DLGAP1: variants seen among roughly 807,000 people sequenced by gnomAD.
The protein encoded by DLGAP1 is disks large-associated protein 1.
A neutral mutation model predicts 90.8 loss-of-function variants in DLGAP1; 11 were observed. The ratio of observed to expected loss-of-function variants is 0.12; its 90% CI spans 0.08 to 0.20. The LOEUF is 0.20. Ranked by LOEUF, DLGAP1 falls within the 10% of genes least tolerant of loss-of-function variation. DLGAP1 has a pLI of 1.00. For synonymous variants in DLGAP1, 558 were observed against 540.7 expected, an observed-to-expected ratio of 1.03 and a Z score of -0.44; for missense variants, 1,050 against 1,333.8, an observed-to-expected ratio of 0.79 and a Z score of 3.31.
At chr18:4,253,119 T>C (rs1028746305) in intron 1 of DLGAP1, among the ~76,000 whole-genome samples, 2 of 152,112 alleles carry the variant, frequency 1.3e-5, no homozygotes, top group Non-Finnish European at 2.9e-5. Context: ...TCTGGGGAAG[T>C]AGCAAAGAAT....
intron 5 of DLGAP1, among the ~76,000 whole-genome samples, chr18:3,788,895 T>C (rs1467618610): frequency 6.6e-6 from 1 of 152,226 alleles, no homozygotes; most frequent in Non-Finnish European, 1.5e-5. Context: ...TGAAAACACA[T>C]GCTGAAAACA....
chr18:3,725,556 A>G (rs2147401270), intron 7 of DLGAP1, among the ~76,000 whole-genome samples: 1 of 152,288 alleles, frequency 6.6e-6, no homozygotes, highest in South Asian at 2.1e-4. Context: ...CTACCCTGAT[A>G]TTCCTACTGT....
At chr18:3,814,914 A>G (rs1170676627) in intron 4 of DLGAP1, among the ~76,000 whole-genome samples, 1 of 152,204 alleles carries the variant, frequency 6.6e-6, no homozygotes, top group Admixed American at 6.5e-5. Flanking sequence ...TAACCTTTCA[A>G]TAACAATATT....
At chr18:3,972,181 TA>T (rs1272949977) in intron 3 of DLGAP1, among the ~76,000 whole-genome samples, 1 of 151,912 alleles carries the variant, frequency 6.6e-6, no homozygotes, top group Non-Finnish European at 1.5e-5. Flanking sequence ...ATACCTCTTA[TA>T]AAAAATACAA....
chr18:3,597,267 G>A (rs1465501280), intron 7 of DLGAP1: 2 of 494,624 alleles, frequency 4.0e-6, no homozygotes, highest in South Asian at 3.0e-5. Context: ...TTGGAGACAG[G>A]AATAAAAGGA....
intron 1 of DLGAP1, among the ~76,000 whole-genome samples, chr18:4,233,274 T>A (rs529321494): frequency 1.1e-4 from 16 of 152,290 alleles, no homozygotes; most frequent in African/African-American, 3.6e-4. Context: ...TTGAAGTTTG[T>A]TATTGTGTCT....
At chr18:4,040,722 G>A (rs1207044552) in intron 2 of DLGAP1, among the ~76,000 whole-genome samples, 1 of 152,306 alleles carries the variant, frequency 6.6e-6, no homozygotes, top group South Asian at 2.1e-4. Flanking sequence ...GGAAGACAAT[G>A]TCTTGGAAGC....
chr18:4,246,530 G>A (rs982737715), intron 1 of DLGAP1, among the ~76,000 whole-genome samples: 1 of 152,280 alleles, frequency 6.6e-6, no homozygotes, highest in South Asian at 2.1e-4. Context: ...TTGCAGTGAG[G>A]AGTCAGTTAT....
chr18:3,836,773 G>A (rs922303984), intron 4 of DLGAP1, among the ~76,000 whole-genome samples: 2 of 152,172 alleles, frequency 1.3e-5, no homozygotes, highest in African/African-American at 4.8e-5. Context: ...CCCTCCTACC[G>A]GATGCGTTGT....
intron 4 of DLGAP1, among the ~76,000 whole-genome samples, chr18:3,833,799 T>C (rs1191131776): frequency 1.3e-5 from 2 of 152,226 alleles, no homozygotes; most frequent in Non-Finnish European, 2.9e-5. Context: ...ATCTGAATGA[T>C]AAAATTTTGA....
At chr18:4,107,694 T>A (rs2075894564) in intron 2 of DLGAP1, among the ~76,000 whole-genome samples, 1 of 152,224 alleles carries the variant, frequency 6.6e-6, no homozygotes. Context: ...ATAAATTGAT[T>A]TATCTCTCTA....
intron 4 of DLGAP1, among the ~76,000 whole-genome samples, chr18:3,848,634 T>C (rs531409079): frequency 6.6e-6 from 1 of 152,270 alleles, no homozygotes; most frequent in Non-Finnish European, 1.5e-5. Context: ...CTTCAGTGAA[T>C]GGAACAACTG....
Position 4,186,659 on chromosome 18 carries a change from T to C in DLGAP1, c.-266-35372A>G, listed in dbSNP as rs913879274. The stretch of plus-strand genomic sequence containing the variant: ...TGTGTCTTTTTTTGTACCAGTACCA[T>C]ACTGTTTTGGTTACTGTAGCCCTGT... On this transcript the variant is annotated intron_variant, in intron 1 of 12. Transcript: ENST00000315677. Among the ~76,000 whole-genome samples, 4 of 152,208 alleles carry C rather than the reference T, an allele frequency of 2.6e-5. 1 individual carries two copies. The highest frequency in any genetic ancestry group is 2.6e-4 in the Admixed American group (4 of 15,272).
chr18:3,939,180 T>TGGGA (rs10677441), intron 3 of DLGAP1, among the ~76,000 whole-genome samples: 111,128 of 151,468 alleles, frequency 0.73, 41,065 homozygotes, highest in African/African-American at 0.83. Context: ...CCCAGCACTT[T>TGGGA]GGCCAAGGTG....
At chr18:4,235,016 CTT>C (rs1165159078) in intron 1 of DLGAP1, among the ~76,000 whole-genome samples, 7 of 152,112 alleles carry the variant, frequency 4.6e-5, no homozygotes, top group African/African-American at 1.7e-4. Flanking sequence ...TCAGAGATGA[CTT>C]TACTTCATTT....
At chr18:3,662,361 C>A (rs2059714264) in intron 7 of DLGAP1, among the ~76,000 whole-genome samples, 1 of 152,122 alleles carries the variant, frequency 6.6e-6, no homozygotes, top group Non-Finnish European at 1.5e-5. Context: ...TTTTAAGAAT[C>A]CTAAGGGTAT....
chr18:3,914,356 C>T (rs944588930), intron 3 of DLGAP1, among the ~76,000 whole-genome samples: 1 of 150,800 alleles, frequency 6.6e-6, no homozygotes, highest in Non-Finnish European at 1.5e-5. Context: ...TTTCCAGATG[C>T]ATCCATGTTG....
intron 7 of DLGAP1, among the ~76,000 whole-genome samples, chr18:3,618,525 G>A (rs187470805): frequency 1.3e-3 from 198 of 150,852 alleles, no homozygotes; most frequent in African/African-American, 4.1e-3. Flanking sequence ...CAGGGAGTTG[G>A]CACTGGTGAC....
At chr18:4,105,858 G>A (rs1326494254) in intron 2 of DLGAP1, among the ~76,000 whole-genome samples, 1 of 151,412 alleles carries the variant, frequency 6.6e-6, no homozygotes, top group Non-Finnish European at 1.5e-5. Flanking sequence ...GTGAAACCCC[G>A]TCTCTACTAA....
Sources: gnomAD v4.1 joint callset for allele counts (sites outside exome capture counted in the v4.1 genomes callset) on GRCh38, gnomAD v4.1.1 for gene constraint, MANE v1.5 for transcripts, NCBI Gene and HGNC (gene_info 2026-07-23, HGNC 2026-07-21) for gene names.